The following AFDN variants were observed in gnomAD, a reference collection of about 807,000 sequenced individuals.
The protein encoded by AFDN is afadin.
Under a neutral mutation model 216.6 loss-of-function variants are expected in AFDN, and 68 were observed. The ratio of observed to expected loss-of-function variants is 0.31; its 90% CI spans 0.26 to 0.38. The LOEUF (loss-of-function observed/expected upper bound fraction) is 0.38, where lower values mean the gene tolerates loss of function less well. AFDN is among the 10% of genes least tolerant of loss of function. The pLI is 1.00. For missense variants in AFDN, 2,136 were observed against 2,342.0 expected (o/e 0.91, Z 1.82); for synonymous variants, 868 against 853.7 (o/e 1.02, Z -0.29).
chr6:167,845,521 C>T (rs1276439778), intron 1 of AFDN, among the ~76,000 whole-genome samples: 1 of 152,040 alleles, frequency 6.6e-6, no homozygotes, highest in Non-Finnish European at 1.5e-5. Flanking sequence ...CCTCAGTCTC[C>T]CTAGTAGCTG....
At chr6:167,871,874 T>G (rs971695338) in intron 3 of AFDN, among the ~76,000 whole-genome samples, 3 of 152,240 alleles carry the variant, frequency 2.0e-5, no homozygotes, top group African/African-American at 7.2e-5. Context: ...GGAGTTTTAT[T>G]TACTGAAAAT....
chr6:167,968,036 A>T (rs1300834801), intron 32 of AFDN, among the ~76,000 whole-genome samples: 1 of 152,224 alleles, frequency 6.6e-6, no homozygotes, highest in African/African-American at 2.4e-5. Context: ...ATAGAGAGTC[A>T]GCTGAAGGTA....
chr6:167,915,055 T>C, intron 18 of AFDN, 113 bp from the exon 19 acceptor site: 1 of 1,091,216 alleles, frequency 9.2e-7, no homozygotes, highest in Non-Finnish European at 1.3e-6. Flanking sequence ...ATTTTTAAAG[T>C]AATTAAACGG....
intron 32 of AFDN, 45 bp downstream of exon 32, chr6:167,966,090 C>T (rs1797527961): frequency 6.5e-7 from 1 of 1,537,328 alleles, no homozygotes; most frequent in Non-Finnish European, 8.7e-7. Context: ...TGGGGACCTT[C>T]TTCCTGCCCC....
At chr6:167,938,973 A>G (rs980297294) in intron 23 of AFDN, among the ~76,000 whole-genome samples, 9 of 152,162 alleles carry the variant, frequency 5.9e-5, no homozygotes, top group African/African-American at 1.7e-4. Flanking sequence ...TTCATTTCTG[A>G]TATCATTCTA....
chr6:167,862,165 G>A (rs1169520945), intron 1 of AFDN, among the ~76,000 whole-genome samples: 2 of 152,080 alleles, frequency 1.3e-5, no homozygotes, highest in African/African-American at 4.8e-5. Context: ...CGTGGAAGGG[G>A]GTAGCGGCAG....
In AFDN at chr6:167,827,243, C is replaced by A; in HGVS notation, c.105+6C>A. On this transcript the variant is annotated splice_donor_region_variant and intron_variant, in intron 1 of 33. Coordinates refer to ENST00000683244, the MANE Select transcript of AFDN (RefSeq NM_001386888.1). Reference sequence around the variant, plus strand: ...AGATCAGCCAGCCGACCGAGGTGAGCACCGCCGGGCGCGGGGCCTGCGCGA... The same window carrying A: ...AGATCAGCCAGCCGACCGAGGTGAGAACCGCCGGGCGCGGGGCCTGCGCGA... The A allele has an allele frequency of 8.8e-7, 1 of 1,141,994 alleles. No individual in the cohort carries two copies. Among genetic ancestry groups the A allele is most frequent in the Non-Finnish European group, 1.1e-6 (1 of 903,404 alleles). The allele number at this position is 1,141,994 out of a possible 1,614,324, so 70.7% of individuals were successfully genotyped here.
Position 167,951,553 on chromosome 6 carries a change from C to T in AFDN, c.4199C>T (p.Ser1400Phe). The T allele has an allele frequency of 6.2e-7, 1 of 1,613,884 alleles. No homozygotes were observed. The highest frequency in any genetic ancestry group is 8.5e-7 in the Non-Finnish European group (1 of 1,179,894). ...GATTTGCCTCTCCCACCACCCCCTT[C>T]CGCCAACCAGATAGGGCTGCCGTCT... ...SMDLPLPPPP[S>F]ANQIGLPSAQ... Residue 1400 changes from serine to phenylalanine, a missense_variant, in exon 30 of 34, where the codon TCC becomes TTC. Around this residue, in one of 8 missense-constraint regions of AFDN, gnomAD observed 981 missense variants for 966.0 expected, o/e 1.02. Transcript: ENST00000683244. This position sits in a 1 kb window ranked among gnomAD's most constrained non-coding sequence, Gnocchi z 7.1.
intron 1 of AFDN, among the ~76,000 whole-genome samples, chr6:167,831,908 A>G (rs934060558): frequency 4.6e-5 from 7 of 152,232 alleles, no homozygotes; most frequent in African/African-American, 1.7e-4. Context: ...GTGTGTACTA[A>G]TAAGTAGGAT....
intron 2 of AFDN, among the ~76,000 whole-genome samples, chr6:167,866,319 G>A (rs551857262): frequency 6.6e-6 from 1 of 152,260 alleles, no homozygotes; most frequent in South Asian, 2.1e-4. Flanking sequence ...ACACCTTTGG[G>A]CTTAAAGTGC....
At chr6:167,914,537 T>C in intron 17 of AFDN, 107 bp from the exon 18 acceptor site, 1 of 906,112 alleles carries the variant, frequency 1.1e-6, no homozygotes. Context: ...ATTTTTTTTT[T>C]AATGGAAAAT....
chr6:167,910,408 A>G (rs1432544193), intron 13 of AFDN, among the ~76,000 whole-genome samples: 1 of 152,272 alleles, frequency 6.6e-6, no homozygotes, highest in African/African-American at 2.4e-5. Context: ...AAACATCAGC[A>G]CAATGCTAGT....
intron 5 of AFDN, among the ~76,000 whole-genome samples, chr6:167,876,203 C>T (rs906062933): frequency 1.4e-4 from 22 of 152,162 alleles, no homozygotes; most frequent in African/African-American, 5.3e-4. Flanking sequence ...CGTTGGCCCA[C>T]CCTAGTGTTA....
chr6:167,829,588 G>C (rs1177132146), intron 1 of AFDN, among the ~76,000 whole-genome samples: 2 of 152,014 alleles, frequency 1.3e-5, no homozygotes, highest in Non-Finnish European at 2.9e-5. Flanking sequence ...TGCAGGAGTT[G>C]ATTTGTAGAA....
intron 30 of AFDN, among the ~76,000 whole-genome samples, chr6:167,958,860 G>T (rs946282694): frequency 3.3e-5 from 5 of 152,208 alleles, no homozygotes; most frequent in Non-Finnish European, 7.3e-5. Flanking sequence ...AAATCTATCT[G>T]GGGGAAGTCA....
intron 1 of AFDN, among the ~76,000 whole-genome samples, chr6:167,828,309 A>T (rs574376059): frequency 6.6e-6 from 1 of 152,238 alleles, no homozygotes; most frequent in Non-Finnish European, 1.5e-5. Flanking sequence ...TCCTTTTATC[A>T]TTAAATTCCA....
chr6:167,896,065 T>C (rs1788202902), intron 9 of AFDN, among the ~76,000 whole-genome samples: 2 of 152,204 alleles, frequency 1.3e-5, no homozygotes, highest in Admixed American at 6.5e-5. Context: ...TGTCCTCATC[T>C]GGGATACAGT....
chr6:167,964,529 G>A, intron 31 of AFDN: 5 of 1,065,652 alleles, frequency 4.7e-6, no homozygotes, highest in Non-Finnish European at 5.7e-6. Flanking sequence ...ATGAAAAATT[G>A]GGCTCAGGGC....
intron 19 of AFDN, among the ~76,000 whole-genome samples, chr6:167,916,666 G>A (rs868673969): frequency 4.0e-5 from 6 of 151,676 alleles, no homozygotes; most frequent in Admixed American, 2.0e-4. Context: ...TTAGTATTAC[G>A]TATAATTTTT....
Sources: allele counts gnomAD v4.1 joint callset (sites outside exome capture counted in the v4.1 genomes callset), GRCh38; gene constraint gnomAD v4.1.1; regional missense constraint gnomAD v4.1.1; non-coding constraint Gnocchi (gnomAD v3.1); transcripts MANE v1.5; gene names NCBI Gene and HGNC (gene_info 2026-07-23, HGNC 2026-07-21).